The following FSD1 variants were observed in gnomAD, a reference collection of about 807,000 sequenced individuals.
FSD1 encodes the protein fibronectin type III and SPRY domain-containing protein 1.
In FSD1, 23 loss-of-function variants were observed where a neutral mutation model predicts 58.2. The ratio of observed to expected loss-of-function variants is 0.40; its 90% confidence interval spans 0.28 to 0.56. The LOEUF (loss-of-function observed/expected upper bound fraction) is 0.56. Among genes scored for constraint, FSD1 ranks in the 20% least tolerant of loss-of-function variants. The pLI, the probability that FSD1 is intolerant of heterozygous loss-of-function variation, is 0.54. For missense variants in FSD1, 563 were observed against 670.8 expected (o/e 0.84, Z 1.78); for synonymous variants, 265 against 263.4 (o/e 1.01, Z -0.06).
At chr19:4,305,085 CT>C (rs1971602981) in intron 1 of FSD1, among the ~76,000 whole-genome samples, 1 of 145,388 alleles carries the variant, frequency 6.9e-6, no homozygotes, top group African/African-American at 2.6e-5. Context: ...CGCCCCACCC[CT>C]GGAAGACGCC....
chr19:4,311,725 C>A lies in FSD1; in HGVS notation c.491-117C>A, dbSNP rs1265434647. ...CTCCACCCTGCCAAACATGGAACCCCTTTGTGGCCATGCCCCCAAAATTGT... is the reference window on the plus strand; with the variant it reads ...CTCCACCCTGCCAAACATGGAACCCATTTGTGGCCATGCCCCCAAAATTGT... On this transcript the variant is annotated intron_variant, in intron 6 of 12. Transcript: ENST00000221856. 5 of 831,910 alleles carry A rather than the reference C, an allele frequency of 6.0e-6. No individual in the cohort carries two copies. The East Asian group carries it at 1.0e-4, about 17-fold the overall frequency. 51.5% of individuals were successfully genotyped at this position (831,910 alleles called of 1,614,324 possible). A position where few individuals can be genotyped will look rare whatever the true frequency, so the allele number is the denominator to read the frequency against.
intron 6 of FSD1, 96 bp downstream of exon 6, chr19:4,310,692 C>T (rs1396239128): frequency 3.6e-6 from 5 of 1,403,156 alleles, no homozygotes; most frequent in Admixed American, 2.0e-5. Flanking sequence ...GTGGACGACC[C>T]GGTGTCTGAA....
chr19:4,312,574 C>T (rs1203375137), intron 7 of FSD1, among the ~76,000 whole-genome samples: 1 of 151,818 alleles, frequency 6.6e-6, no homozygotes, highest in Non-Finnish European at 1.5e-5. Context: ...GAGGCCGAGG[C>T]GGGCCGATCA....
At position 4,323,521 on chromosome 19, in the gene FSD1, G is replaced by A. The variant is rs750722002; in HGVS notation, c.1381-12G>A. The A allele has an allele frequency of 8.7e-6, 13 of 1,487,772 alleles. No individual in the cohort carries two copies. The highest frequency in any genetic ancestry group is 1.5e-5 in the African/African-American group (1 of 65,930). The allele number at this position is 1,487,772 out of a possible 1,614,324, so 92.2% of individuals were successfully genotyped here. ...AGCTGAGCCCCTCCCCCCTCCCCCC[G>A]CTGTCCCTCAGGTATGGTGTGGCAG... On this transcript the variant is annotated splice_polypyrimidine_tract_variant and intron_variant, in intron 12 of 12. Coordinates refer to ENST00000221856, the MANE Select transcript of FSD1 (RefSeq NM_024333.3). This position sits in a 1 kb window ranked among gnomAD's most constrained non-coding sequence, Gnocchi z 7.7.
Position 4,307,866 on chromosome 19 carries a change from T to C in FSD1, c.244-16T>C. 6.2e-7 allele frequency: 1 copy of C among 1,606,294 alleles called. No individual in the cohort carries two copies. Among genetic ancestry groups the C allele is most frequent in the Non-Finnish European group, 8.5e-7 (1 of 1,175,320 alleles). On this transcript the variant is annotated splice_polypyrimidine_tract_variant and intron_variant, in intron 3 of 12. Transcript: ENST00000221856. ...TGGGGTGAGTTGTCCCCTCCTTTGG[T>C]GCCTGGTATCCACAGAACCAGCTGG...
chr19:4,320,407 C>T (rs973171605), intron 10 of FSD1, among the ~76,000 whole-genome samples: 6 of 152,016 alleles, frequency 3.9e-5, no homozygotes, highest in Admixed American at 1.3e-4. Context: ...GACTTGAGGC[C>T]TGTGGGAACA....
intron 7 of FSD1, among the ~76,000 whole-genome samples, chr19:4,314,627 C>T (rs1355236242): frequency 1.3e-5 from 2 of 152,064 alleles, no homozygotes; most frequent in Non-Finnish European, 2.9e-5. Flanking sequence ...ACTGGGATTA[C>T]AGGCGCCCAC....
chr19:4,304,786 G>T (rs1314751604), intron 1 of FSD1, 25 bp downstream of exon 1: 3 of 246,408 alleles, frequency 1.2e-5, no homozygotes, highest in Non-Finnish European at 2.1e-5. Context: ...GGCAGGGCGG[G>T]CCCGCAGGGG....
At chr19:4,310,762 ATGGAGCCCCGCCCCTGGG>A in intron 6 of FSD1, 166 bp downstream of exon 6, 1 of 703,786 alleles carries the variant, frequency 1.4e-6, no homozygotes, top group African/African-American at 1.8e-5. Context: ...TGGAGTTCTC[ATGGAGCCCCGCCCCTGGG>A]TGGAGCCATG....
intron 4 of FSD1, 51 bp from the exon 5 acceptor site, chr19:4,310,222 C>G (rs1235796628): frequency 6.8e-6 from 11 of 1,609,844 alleles, no homozygotes; most frequent in Non-Finnish European, 8.5e-6. Context: ...AAGACTCCGT[C>G]TCAAAAACAA....
At chr19:4,308,629 G>A (rs937083332) in intron 4 of FSD1, among the ~76,000 whole-genome samples, 4 of 152,088 alleles carry the variant, frequency 2.6e-5, no homozygotes, top group Non-Finnish European at 4.4e-5. Flanking sequence ...AGGCCAAGGC[G>A]GGCGGATCAC....
intron 4 of FSD1, 106 bp from the exon 5 acceptor site, chr19:4,310,167 G>T: frequency 1.6e-6 from 2 of 1,279,904 alleles, no homozygotes; most frequent in Non-Finnish European, 2.3e-6. Flanking sequence ...GGAGGTTGCA[G>T]TGAGCCGAGA....
At chr19:4,317,433 G>A (rs142609846) in intron 8 of FSD1, among the ~76,000 whole-genome samples, 153 bp downstream of exon 8, 3 of 152,252 alleles carry the variant, frequency 2.0e-5, no homozygotes, top group Non-Finnish European at 4.4e-5. Flanking sequence ...CTGAGTGTCT[G>A]CTATAACCCT....
rs1971595962 is a variant in FSD1 at position 4,304,704 on chromosome 19, C to A, written c.-43C>A. On this transcript the variant is annotated 5_prime_UTR_variant, in exon 1 of 13. Coordinates refer to ENST00000221856, the MANE Select transcript of FSD1 (RefSeq NM_024333.3). ...AAAGGCAGCTTGGGGACCCAGCGTG[C>A]GCGGGGCCCGCGGGCCGGGCCGGGG... 9.9e-7 allele frequency: 1 copy of A among 1,014,186 alleles called. No homozygotes were observed. Among genetic ancestry groups the A allele is most frequent in the Admixed American group, 5.9e-5 (1 of 17,064 alleles). 62.8% of individuals were successfully genotyped at this position (1,014,186 alleles called of 1,614,324 possible).
rs557701374 is a variant in FSD1 at position 4,305,879 on chromosome 19, C to T, written c.16-67C>T. On this transcript the variant is annotated intron_variant, in intron 1 of 12. Coordinates refer to ENST00000221856, the MANE Select transcript of FSD1 (RefSeq NM_024333.3). ...GTGCACGTGTGTACATGTGCGTACA[C>T]GTGTGTGTACCTGTGTGCGCACATG... The T allele has an allele frequency of 8.5e-6, 10 of 1,179,412 alleles. No homozygotes were observed. In the East Asian group the frequency reaches 1.2e-4, roughly 14 times the overall value. 73.1% of individuals were successfully genotyped at this position (1,179,412 alleles called of 1,614,324 possible). A position where few individuals can be genotyped will look rare whatever the true frequency, so the allele number is the denominator to read the frequency against.
intron 4 of FSD1, among the ~76,000 whole-genome samples, chr19:4,309,067 T>A (rs372533278): frequency 2.6e-5 from 4 of 152,082 alleles, no homozygotes; most frequent in African/African-American, 9.6e-5. Context: ...AGAGCAAGAC[T>A]CTGTTTCAAA....
chr19:4,312,903 C>T (rs1017895505), intron 7 of FSD1, among the ~76,000 whole-genome samples: 5 of 151,848 alleles, frequency 3.3e-5, no homozygotes, highest in Non-Finnish European at 5.9e-5. Flanking sequence ...GGTCTCCAAC[C>T]CCTGGCCTCA....
intron 6 of FSD1, chr19:4,311,561 G>A: frequency 2.6e-6 from 1 of 384,916 alleles, no homozygotes; most frequent in Non-Finnish European, 4.9e-6. Flanking sequence ...GCTCACGACT[G>A]TAATCCCAGC....
intron 7 of FSD1, among the ~76,000 whole-genome samples, chr19:4,316,622 T>A (rs1303005183): frequency 6.6e-6 from 1 of 152,104 alleles, no homozygotes; most frequent in Non-Finnish European, 1.5e-5. Context: ...TCTGAAACAA[T>A]CACTGTGACA....
Sources: gnomAD v4.1 joint callset for allele counts (sites outside exome capture counted in the v4.1 genomes callset) on GRCh38, gnomAD v4.1.1 for gene constraint, Gnocchi (gnomAD v3.1) non-coding constraint, MANE v1.5 for transcripts, NCBI Gene and HGNC (gene_info 2026-07-23, HGNC 2026-07-21) for gene names.